ADAMTS2: variants seen among roughly 807,000 people sequenced by gnomAD.
ADAMTS2 encodes the protein ADAM metallopeptidase with thrombospondin type 1 motif 2.
Under a neutral mutation model 123.0 loss-of-function variants are expected in ADAMTS2, and 50 were observed. The observed-to-expected ratio is 0.41, with a 90% confidence interval of 0.32 to 0.51. ADAMTS2 has a LOEUF of 0.51. Among genes scored for constraint, ADAMTS2 ranks in the 20% least tolerant of loss-of-function variants. ADAMTS2 has a pLI of 0.35. For synonymous variants in ADAMTS2, 678 were observed against 695.4 expected (o/e 0.98, Z 0.39); for missense variants, 1,494 against 1,705.2 (o/e 0.88, Z 2.18).
chr5:179,209,827 C>T (rs1477916367), intron 3 of ADAMTS2, among the ~76,000 whole-genome samples: 1 of 152,184 alleles, frequency 6.6e-6, no homozygotes, highest in Non-Finnish European at 1.5e-5. Context: ...GCATTTCCAA[C>T]GAACAGAGAC....
intron 2 of ADAMTS2, among the ~76,000 whole-genome samples, chr5:179,339,308 GA>G (rs1428788167): frequency 3.9e-5 from 6 of 152,322 alleles, no homozygotes; most frequent in Non-Finnish European, 7.4e-5. Context: ...TGCCTCCTTG[GA>G]AAACGAGTTG....
chr5:179,320,008 G>A (rs372077593), intron 2 of ADAMTS2, among the ~76,000 whole-genome samples: 8 of 152,312 alleles, frequency 5.3e-5, no homozygotes, highest in East Asian at 3.9e-4. Context: ...CCAGCCTGAC[G>A]GCTCCTGGAG....
rs192639705 is a variant in ADAMTS2 at position 179,170,053 on chromosome 5, G to A, written c.975+11019C>T. Reference sequence around the variant, plus strand: ...TTGCTATGCAACCTCAAGTGTTGCCGATGCTCTGCTCCCTGGCTGGTGGTA... The same window carrying A: ...TTGCTATGCAACCTCAAGTGTTGCCAATGCTCTGCTCCCTGGCTGGTGGTA... On this transcript the variant is annotated intron_variant, in intron 5 of 21. Transcript: ENST00000251582. The surrounding 1 kb of genome is among the most constrained non-coding windows in gnomAD (Gnocchi z 4.3). Among the ~76,000 whole-genome samples, 22 of 152,314 alleles carry A rather than the reference G, an allele frequency of 1.4e-4. No homozygotes were observed. In the East Asian group the frequency reaches 1.7e-3, roughly 12 times the overall value.
At chr5:179,179,649 G>T (rs1040494709) in intron 5 of ADAMTS2, among the ~76,000 whole-genome samples, 2 of 152,150 alleles carry the variant, frequency 1.3e-5, no homozygotes, top group African/African-American at 4.8e-5. Context: ...GTTTTGGGAT[G>T]TTTTGTGTTC....
rs1007106212 is a variant in ADAMTS2 at position 179,262,708 on chromosome 5, C to T, written c.688+10203G>A. ...CCTCCCTCCCTTACCTGCCTTCTCA[C>T]GCTGCCCTTTCACCCCGTTTTACTT... On this transcript the variant is annotated intron_variant, in intron 3 of 21. Transcript: ENST00000251582. The surrounding 1 kb of genome is among the most constrained non-coding windows in gnomAD (Gnocchi z 5.9). Among the ~76,000 whole-genome samples the T allele has an allele frequency of 7.9e-5, 12 of 152,226 alleles. No individual in the cohort carries two copies. Among genetic ancestry groups the T allele is most frequent in the Admixed American group, 2.6e-4 (4 of 15,286 alleles).
Position 179,246,087 on chromosome 5 carries a change from G to A in ADAMTS2, c.688+26824C>T, listed in dbSNP as rs147965742. Among the ~76,000 whole-genome samples, 16 of 152,324 alleles carry A rather than the reference G, an allele frequency of 1.1e-4. No individual in the cohort carries two copies. The East Asian group carries it at 2.9e-3, about 28-fold the overall frequency. ...AAGAAAGCAGCTACTGAATTTTGGT[G>A]ACAGTGGGTTATGGTGTTTTAATTT... is the stretch of plus-strand genomic sequence containing the variant. On this transcript the variant is annotated intron_variant, in intron 3 of 21. Transcript: ENST00000251582.
chr5:179,182,002 G>A (rs1345702356), intron 4 of ADAMTS2, among the ~76,000 whole-genome samples: 1 of 152,102 alleles, frequency 6.6e-6, no homozygotes, highest in Non-Finnish European at 1.5e-5. Flanking sequence ...CACACACCCA[G>A]GGCCCTCCCT....
At position 179,262,054 on chromosome 5, in the gene ADAMTS2, G is replaced by A. The variant is rs562009155; in HGVS notation, c.688+10857C>T. Reference sequence around the variant, plus strand: ...TGGGAACACATGGGTCTTGGCCTTGGCACCTTCTTTCCTGGGAAAACACCT... The same window carrying A: ...TGGGAACACATGGGTCTTGGCCTTGACACCTTCTTTCCTGGGAAAACACCT... On this transcript the variant is annotated intron_variant, in intron 3 of 21. Coordinates refer to ENST00000251582, the MANE Select transcript of ADAMTS2 (RefSeq NM_014244.5). The surrounding 1 kb of genome is among the most constrained non-coding windows in gnomAD (Gnocchi z 5.9). 6.6e-6 allele frequency among the ~76,000 whole-genome samples: 1 copy of A among 152,140 alleles called. No homozygotes were observed. Among genetic ancestry groups the A allele is most frequent in the South Asian group, 2.1e-4 (1 of 4,826 alleles).
rs745945253 is a variant in ADAMTS2, at chr5:179,132,207, A to G, written c.2290+23T>C. 1 of 1,611,948 alleles carries G rather than the reference A, an allele frequency of 6.2e-7. No homozygotes were observed. The highest frequency in any genetic ancestry group is 1.3e-5 in the African/African-American group (1 of 74,868). On this transcript the variant is annotated intron_variant, in intron 15 of 21. Transcript: ENST00000251582. The surrounding 1 kb of genome is among the most constrained non-coding windows in gnomAD (Gnocchi z 6.1). Reference sequence around the variant, plus strand: ...GAGGAGCCAGGTCCTGAGGACGTCAAGTTGTCCGGCTCTGAGACTCACCCA... The same window carrying G: ...GAGGAGCCAGGTCCTGAGGACGTCAGGTTGTCCGGCTCTGAGACTCACCCA...
At chr5:179,163,601 CTCCACG>C (rs1021061318) in intron 5 of ADAMTS2, among the ~76,000 whole-genome samples, 4 of 152,366 alleles carry the variant, frequency 2.6e-5, no homozygotes, top group African/African-American at 9.6e-5. Context: ...GCAGCCCCTT[CTCCACG>C]TCCTGCAGAC....
chr5:179,157,839 T>G (rs939830324), intron 6 of ADAMTS2, among the ~76,000 whole-genome samples: 1 of 152,258 alleles, frequency 6.6e-6, no homozygotes, highest in East Asian at 1.9e-4. Flanking sequence ...TTCACATACT[T>G]CAGATATAAA....
chr5:179,154,331 G>A lies in ADAMTS2; in HGVS notation c.1239-139C>T, dbSNP rs1442336089. 1.4e-5 allele frequency: 18 copies of A among 1,243,026 alleles called. No homozygotes were observed. In the East Asian group the frequency reaches 2.3e-4, roughly 16 times the overall value. The allele number at this position is 1,243,026 out of a possible 1,614,324, so 77.0% of individuals were successfully genotyped here. ...GGCCCACTCTGAGCCGGGTGGCACCGACCATCTACCTGCTGCAATTTGAAA... is the reference window on the plus strand; with the variant it reads ...GGCCCACTCTGAGCCGGGTGGCACCAACCATCTACCTGCTGCAATTTGAAA... On this transcript the variant is annotated intron_variant, in intron 7 of 21. Transcript: ENST00000251582.
intron 3 of ADAMTS2, among the ~76,000 whole-genome samples, chr5:179,253,505 G>T (rs1007764012): frequency 6.6e-6 from 1 of 152,110 alleles, no homozygotes; most frequent in Non-Finnish European, 1.5e-5. Context: ...AATTCGGGGG[G>T]TGTGGTGGCA....
Position 179,114,260 on chromosome 5 carries a change from G to A in ADAMTS2, c.3243C>T (p.Ser1081=), listed in dbSNP as rs1294398330. The change falls in exon 22 of 22, where the codon TCC becomes TCT. Residue 1081 remains serine, a synonymous_variant. Coordinates refer to ENST00000251582, the MANE Select transcript of ADAMTS2 (RefSeq NM_014244.5). ...AGCACAGCTTGTTGTAGCCTGGGAT[G>A]GAGCAATAGCGGGACAAGACTTCCA... ...CRMEVLSRYC[S]IPGYNKLCCK... 6.2e-7 allele frequency: 1 copy of A among 1,614,034 alleles called. No individual in the cohort carries two copies. The highest frequency in any genetic ancestry group is 1.3e-5 in the African/African-American group (1 of 74,926).
rs1764228043 is a variant in ADAMTS2 at position 179,188,651 on chromosome 5, C to G, written c.892-7496G>C. ...GAATTACTAGGCTCAGTTCATACAT[C>G]AAAAAGTGAGGTGGTCAGAGTCCCC... On this transcript the variant is annotated intron_variant, in intron 4 of 21. Transcript: ENST00000251582. This position sits in a 1 kb window ranked among gnomAD's most constrained non-coding sequence, Gnocchi z 5.1. Among the ~76,000 whole-genome samples, 4 of 152,170 alleles carry G rather than the reference C, an allele frequency of 2.6e-5. No individual in the cohort carries two copies. The highest frequency in any genetic ancestry group is 6.5e-5 in the Admixed American group (1 of 15,284).
chr5:179,267,542 C>T lies in ADAMTS2; in HGVS notation c.688+5369G>A, dbSNP rs1031574134. ...TGCACAGCAGCCTGGTAGCAGTTCC[C>T]CAGGATGGGAAGCACCTGCCCCTCC... On this transcript the variant is annotated intron_variant, in intron 3 of 21. Coordinates refer to ENST00000251582, the MANE Select transcript of ADAMTS2 (RefSeq NM_014244.5). Among the ~76,000 whole-genome samples, 4 of 152,208 alleles carry T rather than the reference C, an allele frequency of 2.6e-5. No individual in the cohort carries two copies. In the South Asian group the frequency reaches 6.2e-4, roughly 24 times the overall value.
At position 179,189,409 on chromosome 5, in the gene ADAMTS2, A is replaced by G. The variant is rs1309258489; in HGVS notation, c.892-8254T>C. ...GTTGCCCAGGTTGGAGTGCAGTGGC[A>G]TGATCTCAGCTCACTGCCAGCTCCA... On this transcript the variant is annotated intron_variant, in intron 4 of 21. Coordinates refer to ENST00000251582, the MANE Select transcript of ADAMTS2 (RefSeq NM_014244.5). This position sits in a 1 kb window ranked among gnomAD's most constrained non-coding sequence, Gnocchi z 4.2. Among the ~76,000 whole-genome samples the G allele has an allele frequency of 1.3e-5, 2 of 148,502 alleles. No homozygotes were observed. The highest frequency in any genetic ancestry group is 3.0e-5 in the Non-Finnish European group (2 of 67,578).
chr5:179,309,399 C>G (rs1312985278), intron 2 of ADAMTS2, among the ~76,000 whole-genome samples: 1 of 152,166 alleles, frequency 6.6e-6, no homozygotes, highest in Non-Finnish European at 1.5e-5. Context: ...CAACAGTGAC[C>G]CAGACCTGAC....
intron 3 of ADAMTS2, among the ~76,000 whole-genome samples, chr5:179,240,153 G>A (rs541118831): frequency 5.3e-5 from 8 of 152,308 alleles, no homozygotes; most frequent in African/African-American, 1.9e-4. Context: ...TTCAGAGGAC[G>A]GAAGATATGA....
Sources: gnomAD v4.1 joint callset for allele counts (sites outside exome capture counted in the v4.1 genomes callset) on GRCh38, gnomAD v4.1.1 for gene constraint, Gnocchi (gnomAD v3.1) non-coding constraint, MANE v1.5 for transcripts, NCBI Gene and HGNC (gene_info 2026-07-23, HGNC 2026-07-21) for gene names.